Variants in SPATA6L observed in about 807,000 individuals in gnomAD.
The protein encoded by SPATA6L is spermatogenesis associated 6 like.
In SPATA6L, 68 loss-of-function variants were observed where a neutral mutation model predicts 49.2. The observed-to-expected ratio is 1.38, with a 90% CI of 1.14 to 1.69. The LOEUF is 1.69. Ranked by LOEUF, SPATA6L falls within the 40% of genes most tolerant of loss-of-function variation. The pLI is 0.00. For missense variants in SPATA6L, 668 were observed against 464.3 expected (o/e 1.44, Z -4.03); for synonymous variants, 198 against 165.7 (o/e 1.19, Z -1.50).
chr9:4,662,447 C>T lies in SPATA6L; in HGVS notation c.40-411G>A, dbSNP rs756902395. 5.2e-6 allele frequency: 8 copies of T among 1,545,378 alleles called. No homozygotes were observed. The African/African-American group carries it at 9.6e-5, about 19-fold the overall frequency. ...CCGCTTCGAGCAGCAGCAGCAGCCC[C>T]GGCAGCCCAGCCCATGGCGGCGGTG... On this transcript the variant is annotated intron_variant, in intron 1 of 11. Coordinates refer to ENST00000682582, the MANE Select transcript of SPATA6L (RefSeq NM_001353486.2). This position sits in a 1 kb window ranked among gnomAD's most constrained non-coding sequence, Gnocchi z 4.9.
intron 11 of SPATA6L, among the ~76,000 whole-genome samples, 183 bp downstream of exon 11, chr9:4,603,994 CTG>C (rs1457095202): frequency 6.6e-6 from 1 of 152,142 alleles, no homozygotes; most frequent in East Asian, 1.9e-4. Context: ...AGCAAGAGAG[CTG>C]GAAGGCACGT....
chr9:4,643,687 A>C (rs922337118), intron 3 of SPATA6L, among the ~76,000 whole-genome samples: 21 of 152,328 alleles, frequency 1.4e-4, no homozygotes, highest in African/African-American at 5.1e-4. Context: ...TATGTAAATT[A>C]ATAAAATTCT....
At chr9:4,618,457 A>C (rs1828526216) in intron 8 of SPATA6L, among the ~76,000 whole-genome samples, 1 of 152,252 alleles carries the variant, frequency 6.6e-6, no homozygotes, top group South Asian at 2.1e-4. Flanking sequence ...GAAGCATAGT[A>C]TATTCCATTT....
chr9:4,617,335 G>C (rs1413434382), intron 9 of SPATA6L: 1 of 152,272 alleles, frequency 6.6e-6, no homozygotes, highest in African/African-American at 2.4e-5. Context: ...AAGATTCAAG[G>C]GTTTCCCAGA....
intron 9 of SPATA6L, among the ~76,000 whole-genome samples, chr9:4,617,197 T>C (rs79495385): frequency 6.6e-6 from 1 of 152,346 alleles, no homozygotes; most frequent in East Asian, 1.9e-4. Flanking sequence ...GTTTGCTTCT[T>C]ATTCTCGTCA....
chr9:4,657,188 G>A (rs1007965257), intron 2 of SPATA6L, among the ~76,000 whole-genome samples: 3 of 139,310 alleles, frequency 2.2e-5, no homozygotes, highest in Non-Finnish European at 4.6e-5. Flanking sequence ...TTAAAGTTCT[G>A]ATTTAAATGG....
chr9:4,607,910 C>G (rs1303293923), intron 9 of SPATA6L, among the ~76,000 whole-genome samples: 6 of 151,284 alleles, frequency 4.0e-5, no homozygotes. Flanking sequence ...ATCTCACGTG[C>G]AGAGACACAC....
chr9:4,626,528 C>G (rs1274270291), intron 5 of SPATA6L: 3 of 1,304,118 alleles, frequency 2.3e-6, no homozygotes, highest in South Asian at 1.2e-5. Flanking sequence ...TCTTGCTGAA[C>G]CAACATCTTC....
chr9:4,618,117 G>A lies in SPATA6L; in HGVS notation c.808-7C>T, dbSNP rs751432149. On this transcript the variant is annotated splice_region_variant and splice_polypyrimidine_tract_variant and intron_variant, in intron 8 of 11. Coordinates refer to ENST00000682582, the MANE Select transcript of SPATA6L (RefSeq NM_001353486.2). ...CATCTGGCTCTTTGATAACCTGAGT[G>A]ACAATATGCATTATTTAGTTGTAAT... The A allele has an allele frequency of 1.0e-5, 16 of 1,594,372 alleles. No homozygotes were observed. Among genetic ancestry groups the A allele is most frequent in the Admixed American group, 1.7e-5 (1 of 58,296 alleles).
intron 1 of SPATA6L, chr9:4,663,026 G>T: frequency 6.2e-7 from 1 of 1,613,740 alleles, no homozygotes; most frequent in Non-Finnish European, 8.5e-7. Context: ...ATGCCACAAG[G>T]GCCGCCCTGA....
At position 4,662,514 on chromosome 9, in the gene SPATA6L, C is replaced by G; in HGVS notation, c.40-478G>C. 1.3e-6 allele frequency: 2 copies of G among 1,559,574 alleles called. No homozygotes were observed. The highest frequency in any genetic ancestry group is 2.3e-5 in the South Asian group (2 of 85,110). On this transcript the variant is annotated intron_variant, in intron 1 of 11. Coordinates refer to ENST00000682582, the MANE Select transcript of SPATA6L (RefSeq NM_001353486.2). This position sits in a 1 kb window ranked among gnomAD's most constrained non-coding sequence, Gnocchi z 4.9. ...TGAGTTCCAGTCCCTGCTCAGCAGCCGCGCCACGGCCGTGGACCCCACCTG... is the reference window on the plus strand; with the variant it reads ...TGAGTTCCAGTCCCTGCTCAGCAGCGGCGCCACGGCCGTGGACCCCACCTG...
At position 4,599,159 on chromosome 9, in the gene SPATA6L, G is replaced by T. The variant is rs180935023; in HGVS notation, c.*1652C>A. Among the ~76,000 whole-genome samples, 159 of 152,234 alleles carry T rather than the reference G, an allele frequency of 1.0e-3. No individual in the cohort carries two copies. The highest frequency in any genetic ancestry group is 3.7e-3 in the African/African-American group (155 of 41,540). The stretch of plus-strand genomic sequence containing the variant: ...AATTTGGAGCATGAAACAAAGTTTC[G>T]AATGCATTTGACTGCACCCTGCCAC... On this transcript the variant is annotated 3_prime_UTR_variant, in exon 12 of 12. Transcript: ENST00000682582.
chr9:4,605,964 C>A (rs201732748), intron 9 of SPATA6L, among the ~76,000 whole-genome samples: 2 of 152,044 alleles, frequency 1.3e-5, no homozygotes, highest in Admixed American at 6.6e-5. Flanking sequence ...GCACCGTGCG[C>A]GAGCCGAAGC....
rs1269841742 is a variant in SPATA6L at position 4,599,678 on chromosome 9, C to T, written c.*1133G>A. Among the ~76,000 whole-genome samples, 1 of 152,174 alleles carries T rather than the reference C, an allele frequency of 6.6e-6. No homozygotes were observed. Among genetic ancestry groups the T allele is most frequent in the East Asian group, 1.9e-4 (1 of 5,190 alleles). ...AGATGGCGCCTTCTCGCTGTCTCCT[C>T]GCCAGTGGAAGGGGCAAACGAGCTC... On this transcript the variant is annotated 3_prime_UTR_variant, in exon 12 of 12. Coordinates refer to ENST00000682582, the MANE Select transcript of SPATA6L (RefSeq NM_001353486.2).
At chr9:4,602,597 T>A (rs1432676638) in intron 11 of SPATA6L, among the ~76,000 whole-genome samples, 1 of 152,222 alleles carries the variant, frequency 6.6e-6, no homozygotes, top group Admixed American at 6.5e-5. Flanking sequence ...ATAATTATTC[T>A]GATCCTGCTG....
chr9:4,632,034 CTTTTTTTTT>C (rs905629115), intron 4 of SPATA6L, among the ~76,000 whole-genome samples: 1 of 113,020 alleles, frequency 8.8e-6, no homozygotes, highest in African/African-American at 3.7e-5. Context: ...ACATCAGCTA[CTTTTTTTTT>C]TTTTTTTTTT....
At chr9:4,604,456 AG>A (rs1007880017) in intron 10 of SPATA6L, among the ~76,000 whole-genome samples, 187 bp from the exon 11 acceptor site, 2 of 152,114 alleles carry the variant, frequency 1.3e-5, no homozygotes, top group African/African-American at 4.8e-5. Context: ...TTATGTTGCC[AG>A]GCTGGTCTTG....
chr9:4,639,107 T>C (rs1241907122), intron 3 of SPATA6L, among the ~76,000 whole-genome samples: 1 of 152,206 alleles, frequency 6.6e-6, no homozygotes, highest in East Asian at 1.9e-4. Context: ...TAAAGACGAA[T>C]GACAAAGCCA....
chr9:4,589,334 C>T (rs1821755922), intron 13 of SPATA6L, among the ~76,000 whole-genome samples: 1 of 152,182 alleles, frequency 6.6e-6, no homozygotes. Context: ...CATTTATTAA[C>T]ATGGGGTAAT....
Sources: gnomAD v4.1 joint callset for allele counts (sites outside exome capture counted in the v4.1 genomes callset) on GRCh38, gnomAD v4.1.1 for gene constraint, Gnocchi (gnomAD v3.1) non-coding constraint, MANE v1.5 for transcripts, NCBI Gene and HGNC (gene_info 2026-07-23, HGNC 2026-07-21) for gene names.